RBPMS: variants seen among roughly 807,000 people sequenced by gnomAD.
The protein encoded by RBPMS is RNA-binding protein with multiple splicing.
In RBPMS, 7 loss-of-function variants were observed where a neutral mutation model predicts 26.8. The ratio of observed to expected loss-of-function variants is 0.26; its 90% CI spans 0.15 to 0.49. RBPMS has a LOEUF of 0.49. Ranked by LOEUF, RBPMS falls within the 20% of genes least tolerant of loss-of-function variation. RBPMS has a pLI of 0.98. For synonymous variants in RBPMS, 96 were observed against 93.3 expected (o/e 1.03, Z -0.17); for missense variants, 186 against 250.0 (o/e 0.74, Z 1.73).
At chr8:30,426,824 C>T (rs1811409331) in intron 1 of RBPMS, among the ~76,000 whole-genome samples, 1 of 150,422 alleles carries the variant, frequency 6.6e-6, no homozygotes, top group African/African-American at 2.5e-5. Flanking sequence ...CTGGTGAAGC[C>T]TGTGGGCATC....
chr8:30,389,781 A>G (rs1304383576), intron 1 of RBPMS, among the ~76,000 whole-genome samples: 3 of 152,130 alleles, frequency 2.0e-5, no homozygotes, highest in Non-Finnish European at 4.4e-5. Flanking sequence ...AGAAAAATAC[A>G]TGGATTATAA....
intron 1 of RBPMS, among the ~76,000 whole-genome samples, chr8:30,441,019 A>G (rs1001095721): frequency 7.2e-6 from 1 of 137,936 alleles, no homozygotes; most frequent in African/African-American, 3.4e-5. Context: ...TTTTTTGTAG[A>G]GACAGTGTCT....
At chr8:30,557,358 C>G (rs1585879001) in intron 6 of RBPMS, among the ~76,000 whole-genome samples, 1 of 152,258 alleles carries the variant, frequency 6.6e-6, no homozygotes, top group South Asian at 2.1e-4. Context: ...CTCTAGGACC[C>G]AATTTCTAGA....
At chr8:30,414,901 C>G (rs1163030827) in intron 1 of RBPMS, among the ~76,000 whole-genome samples, 1 of 152,078 alleles carries the variant, frequency 6.6e-6, no homozygotes, top group Non-Finnish European at 1.5e-5. Context: ...GACCCCACCC[C>G]TACATTCTCC....
intron 1 of RBPMS, among the ~76,000 whole-genome samples, chr8:30,409,576 G>A (rs1809047139): frequency 6.6e-6 from 1 of 152,204 alleles, no homozygotes; most frequent in African/African-American, 2.4e-5. Context: ...CAATAGGACT[G>A]TTGAGTCAGT....
intron 1 of RBPMS, among the ~76,000 whole-genome samples, chr8:30,465,346 A>G (rs1235014591): frequency 6.6e-6 from 1 of 152,210 alleles, no homozygotes; most frequent in Non-Finnish European, 1.5e-5. Context: ...GAATTTCTTA[A>G]TAATGAGGTT....
At chr8:30,496,239 G>A (rs1043283594) in intron 4 of RBPMS, among the ~76,000 whole-genome samples, 2 of 151,068 alleles carry the variant, frequency 1.3e-5, no homozygotes, top group African/African-American at 4.9e-5. Flanking sequence ...CATGATCTCA[G>A]CTCACTGTAA....
chr8:30,453,000 G>T (rs1185340284), intron 1 of RBPMS, among the ~76,000 whole-genome samples: 2 of 152,184 alleles, frequency 1.3e-5, no homozygotes, highest in Non-Finnish European at 2.9e-5. Flanking sequence ...GTGGTTACTT[G>T]ATACAGATGT....
intron 6 of RBPMS, chr8:30,558,486 C>G: frequency 3.2e-6 from 1 of 308,004 alleles, no homozygotes. Flanking sequence ...CCCTTCCTTA[C>G]CAAAGCAGCT....
At chr8:30,410,028 A>G (rs1445663239) in intron 1 of RBPMS, among the ~76,000 whole-genome samples, 2 of 152,168 alleles carry the variant, frequency 1.3e-5, no homozygotes, top group African/African-American at 4.8e-5. Context: ...TTGAATACCT[A>G]CTATGTGCCT....
chr8:30,414,612 A>G (rs1200487999), intron 1 of RBPMS, among the ~76,000 whole-genome samples: 1 of 152,214 alleles, frequency 6.6e-6, no homozygotes, highest in Non-Finnish European at 1.5e-5. Context: ...AAACAAATTC[A>G]AAACACATGC....
chr8:30,516,404 C>T (rs1475775586), intron 5 of RBPMS, among the ~76,000 whole-genome samples: 1 of 151,586 alleles, frequency 6.6e-6, no homozygotes, highest in African/African-American at 2.4e-5. Flanking sequence ...AGAAAAAACA[C>T]CTGCAAGCTT....
At chr8:30,431,491 G>A (rs1158116833) in intron 1 of RBPMS, among the ~76,000 whole-genome samples, 2 of 149,832 alleles carry the variant, frequency 1.3e-5, no homozygotes, top group African/African-American at 4.9e-5. Context: ...CTCTCATTCT[G>A]TCGCCCAGAC....
chr8:30,462,035 C>T (rs941557628), intron 1 of RBPMS, among the ~76,000 whole-genome samples: 2 of 151,700 alleles, frequency 1.3e-5, no homozygotes, highest in Non-Finnish European at 2.9e-5. Flanking sequence ...TTTATTTATT[C>T]TCATTGCTGA....
rs772808084 is a variant in RBPMS, at chr8:30,566,239, G to T, written c.*8-18G>T. ...AGGTTACTGTGCACCGTTAACGGGT[G>T]ATCTTTCTCCATCCCAGGTCCCAGG... On this transcript the variant is annotated intron_variant, in intron 7 of 8. Transcript: ENST00000397323. 3 of 985,738 alleles carry T rather than the reference G, an allele frequency of 3.0e-6. No homozygotes were observed. In the African/African-American group the frequency reaches 5.2e-5, roughly 17 times the overall value. 61.1% of individuals were successfully genotyped at this position (985,738 alleles called of 1,614,324 possible). A position where few individuals can be genotyped will look rare whatever the true frequency, so the allele number is the denominator to read the frequency against.
At chr8:30,481,245 C>G (rs1818237743) in intron 4 of RBPMS, among the ~76,000 whole-genome samples, 1 of 152,158 alleles carries the variant, frequency 6.6e-6, no homozygotes. Context: ...AGATTACAAG[C>G]GTGAGCCACC....
intron 1 of RBPMS, among the ~76,000 whole-genome samples, chr8:30,466,505 C>T (rs1033172793): frequency 1.1e-4 from 16 of 152,050 alleles, no homozygotes; most frequent in Non-Finnish European, 2.1e-4. Flanking sequence ...ATGATTGCAC[C>T]GCTGCACTCC....
chr8:30,566,171 C>A, intron 7 of RBPMS, 86 bp from the exon 8 acceptor site: 1 of 763,072 alleles, frequency 1.3e-6, no homozygotes, highest in Non-Finnish European at 1.6e-6. Flanking sequence ...GCTCTCTGCC[C>A]TCAGAACAGG....
chr8:30,530,361 G>A (rs150644327), intron 5 of RBPMS, among the ~76,000 whole-genome samples: 32 of 152,324 alleles, frequency 2.1e-4, no homozygotes, highest in Middle Eastern at 6.8e-3. Flanking sequence ...CGTGGGTCAA[G>A]TTATTTAACT....
Sources: allele counts gnomAD v4.1 joint callset (sites outside exome capture counted in the v4.1 genomes callset), GRCh38; gene constraint gnomAD v4.1.1; transcripts MANE v1.5; gene names NCBI Gene and HGNC (gene_info 2026-07-23, HGNC 2026-07-21).